The following SYT1 variants were observed in gnomAD, a reference collection of about 807,000 sequenced individuals.
SYT1 encodes the protein synaptotagmin-1.
A neutral mutation model predicts 44.8 loss-of-function variants in SYT1; 8 were observed. The observed-to-expected ratio is 0.18, with a 90% confidence interval of 0.10 to 0.32. The LOEUF (loss-of-function observed/expected upper bound fraction) is 0.32, where lower values mean the gene tolerates loss of function less well. Among genes scored for constraint, SYT1 ranks in the 10% least tolerant of loss-of-function variants. SYT1 has a pLI of 1.00. For synonymous variants in SYT1, 154 were observed against 188.8 expected (o/e 0.82, Z 1.51); for missense variants, 286 against 509.3 (o/e 0.56, Z 4.22).
At chr12:79,090,617 A>G (rs1877708975) in intron 3 of SYT1, among the ~76,000 whole-genome samples, 1 of 152,144 alleles carries the variant, frequency 6.6e-6, no homozygotes, top group African/African-American at 2.4e-5. Flanking sequence ...AGATAATTTG[A>G]GCCTATAAAC....
intron 9 of SYT1, among the ~76,000 whole-genome samples, chr12:79,433,103 A>G (rs1381683823): frequency 6.6e-6 from 1 of 152,178 alleles, no homozygotes; most frequent in African/African-American, 2.4e-5. Flanking sequence ...AGTTATCCTA[A>G]GATTATCTCA....
chr12:79,179,128 A>ATATAGATATATC lies in SYT1; in HGVS notation c.-17-38371_-17-38370insGATATATCTATA, dbSNP rs1565841361. ...TATATAGATATAGATATAGATATAG[A>ATATAGATATATC]TATATAGATATAGATATAGATATAT... On this transcript the variant is annotated intron_variant, in intron 3 of 10. Transcript: ENST00000261205. Among the ~76,000 whole-genome samples, 6 of 113,520 alleles carry ATATAGATATATC rather than the reference A, an allele frequency of 5.3e-5. 1 individual carries two copies. In the East Asian group the frequency reaches 1.1e-3, roughly 22 times the overall value. 74.5% of individuals were successfully genotyped at this position (113,520 alleles called of 152,430 possible).
At chr12:79,416,608 C>G (rs907547935) in intron 9 of SYT1, among the ~76,000 whole-genome samples, 2 of 152,036 alleles carry the variant, frequency 1.3e-5, no homozygotes, top group South Asian at 4.1e-4. Context: ...AAAAACTCAG[C>G]TAATAATACA....
intron 3 of SYT1, among the ~76,000 whole-genome samples, chr12:79,138,166 A>C (rs1300130674): frequency 6.6e-6 from 1 of 152,214 alleles, no homozygotes; most frequent in Non-Finnish European, 1.5e-5. Flanking sequence ...AAGCTGTCTG[A>C]CATTTAAATA....
At chr12:78,984,658 A>T (rs1245519095) in intron 2 of SYT1, among the ~76,000 whole-genome samples, 1 of 152,012 alleles carries the variant, frequency 6.6e-6, no homozygotes, top group Non-Finnish European at 1.5e-5. Context: ...ATAAATGTTT[A>T]TATTCATGGA....
intron 4 of SYT1, among the ~76,000 whole-genome samples, chr12:79,268,834 TAA>T (rs1266522693): frequency 6.6e-6 from 1 of 152,214 alleles, no homozygotes; most frequent in Non-Finnish European, 1.5e-5. Context: ...CAGATTTTGA[TAA>T]GTCTGTATCA....
intron 8 of SYT1, among the ~76,000 whole-genome samples, chr12:79,312,004 A>T (rs918403879): frequency 6.6e-6 from 1 of 151,904 alleles, no homozygotes. Flanking sequence ...TGTACCCTAA[A>T]ACTTAAAGTG....
chr12:79,307,292 GAC>G (rs2138910492), intron 8 of SYT1, among the ~76,000 whole-genome samples: 2 of 152,254 alleles, frequency 1.3e-5, no homozygotes, highest in African/African-American at 4.8e-5. Context: ...AGCATACACA[GAC>G]ACACAAACTT....
At chr12:79,363,917 T>C (rs1883429020) in intron 9 of SYT1, among the ~76,000 whole-genome samples, 1 of 152,164 alleles carries the variant, frequency 6.6e-6, no homozygotes, top group Non-Finnish European at 1.5e-5. Flanking sequence ...AGGGATTGTG[T>C]CTACTTATGT....
intron 1 of SYT1, among the ~76,000 whole-genome samples, chr12:78,937,254 T>C (rs1878113716): frequency 6.6e-6 from 1 of 152,106 alleles, no homozygotes; most frequent in Admixed American, 6.6e-5. Context: ...GTGGGCCTTC[T>C]GGGTATGACT....
chr12:79,115,427 C>A (rs1879223298), intron 3 of SYT1, among the ~76,000 whole-genome samples: 1 of 152,186 alleles, frequency 6.6e-6, no homozygotes, highest in Non-Finnish European at 1.5e-5. Flanking sequence ...ACTTCTACCA[C>A]CTCAACCCAA....
intron 3 of SYT1, among the ~76,000 whole-genome samples, chr12:79,215,685 A>AC (rs1320997538): frequency 6.6e-6 from 1 of 152,094 alleles, no homozygotes; most frequent in East Asian, 1.9e-4. Flanking sequence ...ACAGAGCAAG[A>AC]CCCTATCTCA....
At chr12:79,268,816 A>C (rs202147298) in intron 4 of SYT1, among the ~76,000 whole-genome samples, 2 of 152,316 alleles carry the variant, frequency 1.3e-5, no homozygotes, top group East Asian at 3.9e-4. Flanking sequence ...TGATAGAAAA[A>C]TCTAATGCAG....
chr12:79,391,928 G>A (rs938005940), intron 9 of SYT1, among the ~76,000 whole-genome samples: 1 of 150,462 alleles, frequency 6.6e-6, no homozygotes, highest in African/African-American at 2.4e-5. Context: ...TGCAAGATGT[G>A]TGTCAAATAT....
intron 1 of SYT1, among the ~76,000 whole-genome samples, chr12:78,919,003 A>G (rs1483720037): frequency 6.6e-6 from 1 of 152,032 alleles, no homozygotes; most frequent in Non-Finnish European, 1.5e-5. Flanking sequence ...AGGACAAATG[A>G]AAGATTATAA....
intron 3 of SYT1, among the ~76,000 whole-genome samples, chr12:79,206,175 T>A (rs549812137): frequency 6.6e-6 from 1 of 152,260 alleles, no homozygotes; most frequent in Non-Finnish European, 1.5e-5. Flanking sequence ...AATTGGTTAA[T>A]GAATTTCTAA....
intron 3 of SYT1, among the ~76,000 whole-genome samples, chr12:79,140,218 T>TA (rs1236275516): frequency 6.6e-6 from 1 of 152,188 alleles, no homozygotes; most frequent in Non-Finnish European, 1.5e-5. Context: ...GCATTTAGGC[T>TA]AAAAATCTGC....
At chr12:79,063,311 G>A (rs1455745684) in intron 3 of SYT1, among the ~76,000 whole-genome samples, 1 of 152,146 alleles carries the variant, frequency 6.6e-6, no homozygotes, top group Non-Finnish European at 1.5e-5. Context: ...CTTGTCTGTT[G>A]ATGCCCTTGA....
At chr12:79,263,362 T>C (rs114627406) in intron 4 of SYT1, among the ~76,000 whole-genome samples, 1,666 of 152,050 alleles carry the variant, frequency 0.011, 30 homozygotes, top group African/African-American at 0.036. Context: ...TTTTCAGAAA[T>C]AATAATTTCA....
Sources: gnomAD v4.1 joint callset for allele counts (sites outside exome capture counted in the v4.1 genomes callset) on GRCh38, gnomAD v4.1.1 for gene constraint, MANE v1.5 for transcripts, NCBI Gene and HGNC (gene_info 2026-07-23, HGNC 2026-07-21) for gene names.